The following USP7 variants were observed in gnomAD, a reference collection of about 807,000 sequenced individuals.
USP7 encodes ubiquitin C-terminal hydrolase 7.
Under a neutral mutation model 162.9 loss-of-function variants are expected in USP7, and 9 were observed. The ratio of observed to expected loss-of-function variants is 0.06; its 90% CI spans 0.03 to 0.10. The LOEUF is 0.10. USP7 is among the 10% of genes least tolerant of loss of function. USP7 has a pLI of 1.00. For synonymous variants in USP7, 562 were observed against 475.9 expected, an observed-to-expected ratio of 1.18 and a Z score of -2.35; for missense variants, 715 against 1,373.7, an observed-to-expected ratio of 0.52 and a Z score of 7.58.
At chr16:8,903,080 G>C (rs924459441) in intron 16 of USP7, among the ~76,000 whole-genome samples, 188 bp downstream of exon 16, 1 of 152,164 alleles carries the variant, frequency 6.6e-6, no homozygotes, top group Non-Finnish European at 1.5e-5. Flanking sequence ...CCCTGTGCAG[G>C]AGTCAGGGGC....
Position 8,908,333 on chromosome 16 carries a change from T to C in USP7, c.1271+8A>G, listed in dbSNP as rs774304142. ...GAAATCTTAACTTTATATCCCACTA[T>C]AGATTACCTATCATTGATCTTGATA... On this transcript the variant is annotated splice_region_variant and intron_variant, in intron 12 of 30. Coordinates refer to ENST00000344836, the MANE Select transcript of USP7 (RefSeq NM_003470.3). 26 of 1,604,724 alleles carry C rather than the reference T, an allele frequency of 1.6e-5. No individual in the cohort carries two copies. The highest frequency in any genetic ancestry group is 2.2e-5 in the South Asian group (2 of 90,868).
intron 1 of USP7, among the ~76,000 whole-genome samples, chr16:8,960,295 C>T (rs1480465747): frequency 6.6e-6 from 1 of 152,164 alleles, no homozygotes; most frequent in African/African-American, 2.4e-5. Flanking sequence ...GCATCAGGCC[C>T]CACCTCTTCC....
chr16:8,942,061 G>A (rs1252776809), intron 1 of USP7, among the ~76,000 whole-genome samples: 1 of 152,264 alleles, frequency 6.6e-6, no homozygotes, highest in Non-Finnish European at 1.5e-5. Flanking sequence ...GCCAGAGATG[G>A]AAAAGTGCAG....
chr16:8,917,291 T>C, intron 6 of USP7, 135 bp from the exon 7 acceptor site: 1 of 1,046,994 alleles, frequency 9.6e-7, no homozygotes, highest in Middle Eastern at 3.3e-4. Context: ...TTAGGGCTTT[T>C]AACGATCCCC....
rs773561402 is a variant in USP7, at chr16:8,901,274, C to G, written c.2048-40G>C. On this transcript the variant is annotated intron_variant, in intron 18 of 30. Coordinates refer to ENST00000344836, the MANE Select transcript of USP7 (RefSeq NM_003470.3). Reference sequence around the variant, plus strand: ...AACAAGTTTTGTTAAGATCCAAACACTCAGCACAATGCTTAAAAAACAAAA... The same window carrying G: ...AACAAGTTTTGTTAAGATCCAAACAGTCAGCACAATGCTTAAAAAACAAAA... 2.6e-5 allele frequency: 36 copies of G among 1,398,322 alleles called. No individual in the cohort carries two copies. In the East Asian group the frequency reaches 8.2e-4, roughly 32 times the overall value. 86.6% of individuals were successfully genotyped at this position (1,398,322 alleles called of 1,614,324 possible). A position where few individuals can be genotyped will look rare whatever the true frequency, so the allele number is the denominator to read the frequency against.
At chr16:8,903,995 C>A (rs1297170000) in intron 15 of USP7, among the ~76,000 whole-genome samples, 3 of 152,280 alleles carry the variant, frequency 2.0e-5, no homozygotes, top group Non-Finnish European at 2.9e-5. Flanking sequence ...TTCTCCAACC[C>A]CCTCAGTACT....
At chr16:8,908,261 A>C in intron 12 of USP7, 80 bp downstream of exon 12, 1 of 1,150,194 alleles carries the variant, frequency 8.7e-7, no homozygotes, top group Admixed American at 1.8e-5. Flanking sequence ...GAAAATATAA[A>C]GACTGAGGAA....
intron 18 of USP7, among the ~76,000 whole-genome samples, chr16:8,901,666 C>T (rs945481586): frequency 3.9e-5 from 6 of 152,150 alleles, no homozygotes; most frequent in African/African-American, 1.4e-4. Flanking sequence ...CCTGTTTTGT[C>T]GATAAAGTTG....
At chr16:8,927,835 C>A (rs778183055) in intron 2 of USP7, among the ~76,000 whole-genome samples, 1 of 152,116 alleles carries the variant, frequency 6.6e-6, no homozygotes, top group African/African-American at 2.4e-5. Flanking sequence ...GAACCTATCT[C>A]AAAATAAAAT....
chr16:8,918,444 T>C (rs903966822), intron 6 of USP7, among the ~76,000 whole-genome samples: 9 of 152,238 alleles, frequency 5.9e-5, no homozygotes, highest in Non-Finnish European at 2.9e-5. Context: ...TTTGCAAATG[T>C]TGCTGTTAAT....
In USP7 at chr16:8,902,017, GAAC is replaced by G. The variant is rs1451723938; in HGVS notation, c.2047+62_2047+64del. ...AAGAAGGCTTAACCCTGTGTGTTTAGAACAACAATCCAGGAATCCAACGCTACT... is the reference window on the plus strand; with the variant it reads ...AAGAAGGCTTAACCCTGTGTGTTTAGAACAATCCAGGAATCCAACGCTACT... On this transcript the variant is annotated intron_variant, in intron 18 of 30. Coordinates refer to ENST00000344836, the MANE Select transcript of USP7 (RefSeq NM_003470.3). 6 of 1,376,540 alleles carry G rather than the reference GAAC, an allele frequency of 4.4e-6. No homozygotes were observed. The East Asian group carries it at 6.9e-5, about 16-fold the overall frequency. The allele number at this position is 1,376,540 out of a possible 1,614,324, so 85.3% of individuals were successfully genotyped here. A position where few individuals can be genotyped will look rare whatever the true frequency, so the allele number is the denominator to read the frequency against.
rs868371554 is a variant in USP7, at chr16:8,954,319, C to A, written c.79+8888G>T. ...GAACCTAAAGGAAATGGAGATTGAG[C>A]CTTAGATACCTTTTTAAGAAATCTG... is the stretch of plus-strand genomic sequence containing the variant. On this transcript the variant is annotated intron_variant, in intron 1 of 30. Transcript: ENST00000344836. Among the ~76,000 whole-genome samples, 6 of 152,236 alleles carry A rather than the reference C, an allele frequency of 3.9e-5. No individual in the cohort carries two copies. The South Asian group carries it at 1.2e-3, about 32-fold the overall frequency.
intron 13 of USP7, among the ~76,000 whole-genome samples, chr16:8,906,097 G>A (rs1042042190): frequency 2.6e-5 from 4 of 152,138 alleles, no homozygotes; most frequent in South Asian, 4.2e-4. Flanking sequence ...AGGGACATGC[G>A]ACCAGCCAGC....
chr16:8,909,788 T>C (rs944275888), intron 11 of USP7, among the ~76,000 whole-genome samples: 1 of 152,082 alleles, frequency 6.6e-6, no homozygotes, highest in Non-Finnish European at 1.5e-5. Flanking sequence ...TAGTTGGGCA[T>C]AGTGGCGGGC....
chr16:8,929,390 C>A (rs1596389993), intron 2 of USP7: 5 of 432,544 alleles, frequency 1.2e-5, no homozygotes, highest in East Asian at 7.0e-5. Flanking sequence ...ATTGCCTCAG[C>A]CAGCTGCCAG....
rs1900096972 is a variant in USP7, at chr16:8,963,308, C to T, written c.-23G>A. ...CATGTCGGCCGCGGCCTGGGCCTCG[C>T]CTGCGGCCGGGGGCCGGGGCTGCGA... On this transcript the variant is annotated 5_prime_UTR_variant, in exon 1 of 31. Transcript: ENST00000344836. 2 of 1,083,990 alleles carry T rather than the reference C, an allele frequency of 1.8e-6. No homozygotes were observed. The highest frequency in any genetic ancestry group is 3.7e-4 in the Middle Eastern group (1 of 2,678). The allele number at this position is 1,083,990 out of a possible 1,614,324, so 67.1% of individuals were successfully genotyped here. A position where few individuals can be genotyped will look rare whatever the true frequency, so the allele number is the denominator to read the frequency against.
intron 1 of USP7, among the ~76,000 whole-genome samples, chr16:8,935,310 A>T (rs935612060): frequency 2.0e-5 from 3 of 151,842 alleles, no homozygotes; most frequent in Non-Finnish European, 2.9e-5. Context: ...CCTGGGTTCA[A>T]GTGATTCTCC....
chr16:8,928,698 C>T (rs887128247), intron 2 of USP7, among the ~76,000 whole-genome samples: 12 of 152,174 alleles, frequency 7.9e-5, no homozygotes, highest in Admixed American at 4.6e-4. Flanking sequence ...AAAGGTGCTA[C>T]GGAAGATTAC....
At chr16:8,938,775 CATT>C (rs1304679021) in intron 1 of USP7, among the ~76,000 whole-genome samples, 4 of 151,776 alleles carry the variant, frequency 2.6e-5, no homozygotes, top group African/African-American at 9.7e-5. Context: ...TTTTCTGTGT[CATT>C]ATTCCCAAAA....
Sources: allele counts gnomAD v4.1 joint callset (sites outside exome capture counted in the v4.1 genomes callset), GRCh38; gene constraint gnomAD v4.1.1; transcripts MANE v1.5; gene names NCBI Gene and HGNC (gene_info 2026-07-23, HGNC 2026-07-21).